ELL: variants seen among roughly 807,000 people sequenced by gnomAD.
The protein encoded by ELL is RNA polymerase II elongation factor ELL.
ELL carries 18 observed loss-of-function variants against 64.0 expected under a neutral mutation model. The observed-to-expected ratio is 0.28, with a 90% confidence interval of 0.19 to 0.42. ELL has a LOEUF of 0.42. ELL is among the 10% of genes least tolerant of loss of function. The probability of loss-of-function intolerance (pLI) is 1.00; values close to 1 mark genes in which losing one functional copy is unlikely to be tolerated. For synonymous variants in ELL, 399 were observed against 376.2 expected (o/e 1.06, Z -0.70); for missense variants, 797 against 870.4 (o/e 0.92, Z 1.06).
At chr19:18,510,880 G>A (rs1482486120) in intron 1 of ELL, among the ~76,000 whole-genome samples, 1 of 152,166 alleles carries the variant, frequency 6.6e-6, no homozygotes, top group East Asian at 1.9e-4. Flanking sequence ...CCAGCACTTT[G>A]GGAGGCCGAG....
chr19:18,499,445 G>A (rs1167745314), intron 1 of ELL, among the ~76,000 whole-genome samples: 3 of 152,188 alleles, frequency 2.0e-5, no homozygotes, highest in Non-Finnish European at 4.4e-5. Context: ...GCATCTGCCT[G>A]TAAGCTTCTA....
At chr19:18,483,560 G>A (rs767319204) in intron 1 of ELL, among the ~76,000 whole-genome samples, 6 of 152,144 alleles carry the variant, frequency 3.9e-5, no homozygotes, top group Non-Finnish European at 5.9e-5. Context: ...GCATGGGATC[G>A]GGTTCCGGTT....
intron 1 of ELL, among the ~76,000 whole-genome samples, chr19:18,518,708 T>G (rs2144984889): frequency 6.6e-6 from 1 of 151,422 alleles, no homozygotes; most frequent in East Asian, 2.0e-4. Context: ...GGAGAATCAC[T>G]TGAACCCGGG....
chr19:18,507,050 G>A (rs1252612996), intron 1 of ELL, among the ~76,000 whole-genome samples: 1 of 152,210 alleles, frequency 6.6e-6, no homozygotes, highest in Non-Finnish European at 1.5e-5. Flanking sequence ...AGGGCAGCCT[G>A]GAGATGAGCT....
intron 1 of ELL, among the ~76,000 whole-genome samples, chr19:18,480,464 GGTGGCCACGGTC>G (rs1975276310): frequency 1.3e-5 from 2 of 152,176 alleles, no homozygotes; most frequent in African/African-American, 4.8e-5. Context: ...TAGGGAACCA[GGTGGCCACGGTC>G]AGGGCAGAGC....
At chr19:18,503,261 AC>A (rs1231235752) in intron 1 of ELL, among the ~76,000 whole-genome samples, 1 of 152,060 alleles carries the variant, frequency 6.6e-6, no homozygotes, top group Non-Finnish European at 1.5e-5. Context: ...GGGAGGGAGC[AC>A]CCCCACCCTG....
At position 18,444,921 on chromosome 19, in the gene ELL, C is replaced by G. The variant is rs557880605; in HGVS notation, c.1750-53G>C. ...ACAGAGCCGCCCTGGGTGCTGCTCC[C>G]CGCTGTAAGCAGGCCAGTGTCCCCC... is the stretch of plus-strand genomic sequence containing the variant. On this transcript the variant is annotated intron_variant, in intron 11 of 11. Transcript: ENST00000262809. 9 of 1,549,118 alleles carry G rather than the reference C, an allele frequency of 5.8e-6. No homozygotes were observed. The East Asian group carries it at 2.0e-4, about 35-fold the overall frequency.
At chr19:18,505,737 C>T (rs995959777) in intron 1 of ELL, among the ~76,000 whole-genome samples, 24 of 152,096 alleles carry the variant, frequency 1.6e-4, no homozygotes, top group Non-Finnish European at 1.5e-5. Flanking sequence ...GGCTTGTGTT[C>T]CCCTGATGTC....
intron 6 of ELL, among the ~76,000 whole-genome samples, chr19:18,456,033 G>A (rs905938102): frequency 6.6e-6 from 1 of 151,688 alleles, no homozygotes. Context: ...GGAGACGGAC[G>A]TTGCTGTGAG....
intron 1 of ELL, among the ~76,000 whole-genome samples, chr19:18,497,220 C>T (rs935454075): frequency 6.6e-6 from 1 of 152,208 alleles, no homozygotes; most frequent in Non-Finnish European, 1.5e-5. Flanking sequence ...GGAAACCATG[C>T]AAAGACATGA....
At chr19:18,484,206 G>A (rs1225078009) in intron 1 of ELL, among the ~76,000 whole-genome samples, 2 of 152,224 alleles carry the variant, frequency 1.3e-5, no homozygotes, top group African/African-American at 4.8e-5. Context: ...GCTCACGCCT[G>A]TAATCCCAGC....
In ELL at chr19:18,501,581, G is replaced by A. The variant is rs911157742; in HGVS notation, c.135+20340C>T. Reference sequence around the variant, plus strand: ...CAGCTCAGAGCCAGGCGGATGAGACGGGGGCCAAGCCAGGGGCCGGCTACT... The same window carrying A: ...CAGCTCAGAGCCAGGCGGATGAGACAGGGGCCAAGCCAGGGGCCGGCTACT... On this transcript the variant is annotated intron_variant, in intron 1 of 11. Coordinates refer to ENST00000262809, the MANE Select transcript of ELL (RefSeq NM_006532.4). The surrounding 1 kb of genome is among the most constrained non-coding windows in gnomAD (Gnocchi z 4.5). Among the ~76,000 whole-genome samples, 1 of 152,168 alleles carries A rather than the reference G, an allele frequency of 6.6e-6. No individual in the cohort carries two copies. Among genetic ancestry groups the A allele is most frequent in the Admixed American group, 6.5e-5 (1 of 15,278 alleles).
intron 1 of ELL, among the ~76,000 whole-genome samples, chr19:18,484,822 G>C (rs1293204206): frequency 6.6e-6 from 1 of 152,138 alleles, no homozygotes; most frequent in African/African-American, 2.4e-5. Context: ...TAGGAATTTT[G>C]AACGGAAGGC....
Position 18,521,904 on chromosome 19 carries a change from G to A in ELL, c.135+17C>T. On this transcript the variant is annotated intron_variant, in intron 1 of 11. Coordinates refer to ENST00000262809, the MANE Select transcript of ELL (RefSeq NM_006532.4). ...CCGGACGTTCCCCACTGGCGCGCCG[G>A]GCGCCATGCCACTCACCTGTCTGGC... The A allele has an allele frequency of 5.7e-6, 9 of 1,569,424 alleles. No individual in the cohort carries two copies. The highest frequency in any genetic ancestry group is 6.9e-6 in the Non-Finnish European group (8 of 1,157,900).
intron 1 of ELL, among the ~76,000 whole-genome samples, chr19:18,481,051 G>A (rs1975289908): frequency 6.6e-6 from 1 of 152,112 alleles, no homozygotes; most frequent in Admixed American, 6.5e-5. Context: ...GCCTCTACAC[G>A]CTCCACGCAC....
At chr19:18,496,670 C>T (rs1381019260) in intron 1 of ELL, among the ~76,000 whole-genome samples, 2 of 152,226 alleles carry the variant, frequency 1.3e-5, no homozygotes, top group Non-Finnish European at 2.9e-5. Flanking sequence ...GCAGGTGGGG[C>T]CAGCTCCAGG....
At chr19:18,490,269 T>C (rs1389146756) in intron 1 of ELL, among the ~76,000 whole-genome samples, 7 of 145,404 alleles carry the variant, frequency 4.8e-5, no homozygotes, top group African/African-American at 9.8e-5. Context: ...CTTGAACCAT[T>C]TGAGGGCCGG....
intron 10 of ELL, chr19:18,445,539 G>GGGGGGTGGGGA (rs1218862729): frequency 7.6e-6 from 3 of 396,586 alleles, no homozygotes; most frequent in African/African-American, 2.0e-5. Context: ...CCATGTCGTG[G>GGGGGGTGGGGA]GGGGGTGGGG....
chr19:18,463,099 C>T (rs1974861363), intron 4 of ELL, among the ~76,000 whole-genome samples: 1 of 152,210 alleles, frequency 6.6e-6, no homozygotes, highest in Non-Finnish European at 1.5e-5. Context: ...AAAAGCTCTT[C>T]GTAACAACAT....
Sources: allele counts gnomAD v4.1 joint callset (sites outside exome capture counted in the v4.1 genomes callset), GRCh38; gene constraint gnomAD v4.1.1; non-coding constraint Gnocchi (gnomAD v3.1); transcripts MANE v1.5; gene names NCBI Gene and HGNC (gene_info 2026-07-23, HGNC 2026-07-21).